Variants in UBE2J1 observed in about 807,000 individuals in gnomAD.
UBE2J1 encodes the protein ubiquitin-conjugating enzyme E2 J1.
UBE2J1 carries 17 observed loss-of-function variants against 42.1 expected under a neutral mutation model. That is an observed-to-expected ratio of 0.40 (90% CI 0.28 to 0.61). The LOEUF (loss-of-function observed/expected upper bound fraction) is 0.61. Ranked by LOEUF, UBE2J1 falls within the 20% of genes least tolerant of loss-of-function variation. UBE2J1 has a pLI of 0.38. For missense variants in UBE2J1, 291 were observed against 389.4 expected, an observed-to-expected ratio of 0.75 and a Z score of 2.13; for synonymous variants, 127 against 137.2, an observed-to-expected ratio of 0.93 and a Z score of 0.52.
chr6:89,346,952 A>G (rs1381854037), intron 1 of UBE2J1, among the ~76,000 whole-genome samples: 2 of 152,258 alleles, frequency 1.3e-5, no homozygotes, highest in East Asian at 3.8e-4. Context: ...AAGTACTCAA[A>G]TATTAGTTGA....
At chr6:89,330,107 G>A in intron 7 of UBE2J1, 150 bp from the exon 8 acceptor site, 1 of 808,796 alleles carries the variant, frequency 1.2e-6, no homozygotes, top group South Asian at 1.8e-5. Context: ...TACATCCCTT[G>A]AGGGGCATCT....
At position 89,338,469 on chromosome 6, in the gene UBE2J1, A is replaced by C; in HGVS notation, c.312T>G (p.Pro104=). ...ISGHHPETWQ[P]SWSIRTALLA... is the part of the protein sequence containing the mutation. ...TAAATTAACACTTACTACTCCACGA[A>C]GGCTGCCAAGTTTCAGGATGATGGC... Residue 104 remains proline, a synonymous_variant, in exon 4 of 8, where the codon CCT becomes CCG. Coordinates refer to ENST00000435041, the MANE Select transcript of UBE2J1 (RefSeq NM_016021.3). The C allele has an allele frequency of 6.2e-7, 1 of 1,610,052 alleles. No homozygotes were observed. Among genetic ancestry groups the C allele is most frequent in the Non-Finnish European group, 8.5e-7 (1 of 1,178,816 alleles).
intron 1 of UBE2J1, among the ~76,000 whole-genome samples, chr6:89,346,914 A>G (rs1003002291): frequency 1.3e-5 from 2 of 152,174 alleles, no homozygotes; most frequent in African/African-American, 4.8e-5. Context: ...CTGTAGCAGT[A>G]CAGTCTCCTC....
chr6:89,340,190 T>C (rs1298370009), intron 3 of UBE2J1, among the ~76,000 whole-genome samples: 1 of 152,124 alleles, frequency 6.6e-6, no homozygotes, highest in Non-Finnish European at 1.5e-5. Flanking sequence ...AAATACTTAT[T>C]GAATGAAAGT....
chr6:89,335,915 G>T (rs1768099244), intron 5 of UBE2J1, among the ~76,000 whole-genome samples: 1 of 152,162 alleles, frequency 6.6e-6, no homozygotes, highest in Non-Finnish European at 1.5e-5. Flanking sequence ...AGACTTGGGA[G>T]AACTTGCAGA....
At chr6:89,337,438 A>G (rs1768131659) in intron 5 of UBE2J1, among the ~76,000 whole-genome samples, 1 of 152,152 alleles carries the variant, frequency 6.6e-6, no homozygotes, top group African/African-American at 2.4e-5. Flanking sequence ...AGTCTACCAA[A>G]TCTTCCAGAT....
intron 7 of UBE2J1, among the ~76,000 whole-genome samples, chr6:89,330,746 T>C (rs1767994227): frequency 1.3e-5 from 2 of 152,088 alleles, no homozygotes; most frequent in Admixed American, 6.6e-5. Context: ...CGGTGAGCTA[T>C]GATCACATGC....
chr6:89,344,153 TCA>T (rs879648487), intron 1 of UBE2J1, among the ~76,000 whole-genome samples: 60 of 152,198 alleles, frequency 3.9e-4, no homozygotes, highest in Non-Finnish European at 7.6e-4. Context: ...GATTATATAG[TCA>T]CACAGCTAGT....
intron 2 of UBE2J1, 88 bp from the exon 3 acceptor site, chr6:89,342,543 A>G: frequency 7.9e-7 from 1 of 1,273,124 alleles, no homozygotes; most frequent in Non-Finnish European, 1.1e-6. Context: ...ACCAAGCAAG[A>G]AAAATTAAAT....
intron 7 of UBE2J1, among the ~76,000 whole-genome samples, chr6:89,331,892 T>C (rs1383587316): frequency 6.6e-6 from 1 of 152,210 alleles, no homozygotes; most frequent in African/African-American, 2.4e-5. Context: ...CTAAAACATA[T>C]TGACCTTAAA....
chr6:89,341,529 T>C (rs899462130), intron 3 of UBE2J1, among the ~76,000 whole-genome samples: 8 of 152,068 alleles, frequency 5.3e-5, no homozygotes, highest in African/African-American at 2.4e-5. Context: ...CTGAGGCCAG[T>C]AGTTCAAGAC....
chr6:89,336,145 A>C (rs923689495), intron 5 of UBE2J1, among the ~76,000 whole-genome samples: 11 of 152,236 alleles, frequency 7.2e-5, no homozygotes, highest in African/African-American at 2.2e-4. Context: ...TTACACTGTT[A>C]AACTTCCTTC....
intron 1 of UBE2J1, among the ~76,000 whole-genome samples, chr6:89,349,671 CAT>C (rs1431445132): frequency 6.6e-6 from 1 of 151,982 alleles, no homozygotes; most frequent in Non-Finnish European, 1.5e-5. Context: ...GTTGAGTCAC[CAT>C]AAGTTCTGTG....
chr6:89,338,652 AGTTT>A lies in UBE2J1; in HGVS notation c.238-113_238-110del, dbSNP rs1768158237. On this transcript the variant is annotated intron_variant, in intron 3 of 7. Transcript: ENST00000435041. ...AATAATTTTAGAGATTATCTTAAAAAGTTTGTTTTTTTTTTTTTTTTTTTTTTTT... is the reference window on the plus strand; with the variant it reads ...AATAATTTTAGAGATTATCTTAAAAAGTTTTTTTTTTTTTTTTTTTTTTTT... 3 of 249,238 alleles carry A rather than the reference AGTTT, an allele frequency of 1.2e-5. No homozygotes were observed. In the Admixed American group the frequency reaches 2.1e-4, roughly 17 times the overall value. The allele number at this position is 249,238 out of a possible 1,614,324, so 15.4% of individuals were successfully genotyped here.
chr6:89,348,068 G>A (rs1291689365), intron 1 of UBE2J1, among the ~76,000 whole-genome samples: 2 of 152,170 alleles, frequency 1.3e-5, no homozygotes, highest in Non-Finnish European at 2.9e-5. Context: ...GTGCTGCCTG[G>A]CAACCGGGCT....
chr6:89,329,760 G>A lies in UBE2J1; in HGVS notation c.876C>T (p.Val292=). 1 of 1,614,104 alleles carries A rather than the reference G, an allele frequency of 6.2e-7. No individual in the cohort carries two copies. Among genetic ancestry groups the A allele is most frequent in the Non-Finnish European group, 8.5e-7 (1 of 1,179,970 alleles). Residue 292 remains valine, a synonymous_variant, in exon 8 of 8, where the codon GTC becomes GTT. Coordinates refer to ENST00000435041, the MANE Select transcript of UBE2J1 (RefSeq NM_016021.3). Reference sequence around the variant, plus strand: ...GAGCTGCCAATGCCAAAGTCAGGATGACAATCAGTACAGCTGACCCACCAT... The same window carrying A: ...GAGCTGCCAATGCCAAAGTCAGGATAACAATCAGTACAGCTGACCCACCAT... ...TDHGGSAVLI[V]ILTLALAALI... is the part of the protein sequence containing the mutation.
At chr6:89,344,645 T>G (rs537537205) in intron 1 of UBE2J1, among the ~76,000 whole-genome samples, 3 of 152,320 alleles carry the variant, frequency 2.0e-5, no homozygotes, top group African/African-American at 7.2e-5. Context: ...TTACAAGTCA[T>G]TACCAACAAC....
intron 2 of UBE2J1, among the ~76,000 whole-genome samples, chr6:89,343,095 A>G (rs374602748): frequency 1.3e-5 from 2 of 152,174 alleles, no homozygotes; most frequent in African/African-American, 4.8e-5. Flanking sequence ...AAGGCTTCCA[A>G]ACTGTAAAGT....
intron 1 of UBE2J1, among the ~76,000 whole-genome samples, chr6:89,347,788 C>A (rs182258738): frequency 6.6e-6 from 1 of 152,312 alleles, no homozygotes; most frequent in Non-Finnish European, 1.5e-5. Flanking sequence ...CATTTTGTAG[C>A]TCTAAGTCCT....
Sources: allele counts gnomAD v4.1 joint callset (sites outside exome capture counted in the v4.1 genomes callset), GRCh38; gene constraint gnomAD v4.1.1; transcripts MANE v1.5; gene names NCBI Gene and HGNC (gene_info 2026-07-23, HGNC 2026-07-21).